Variants in NOS1AP observed in about 807,000 individuals in gnomAD.
NOS1AP encodes the protein nitric oxide synthase 1 adaptor protein.
In NOS1AP, 21 loss-of-function variants were observed where a neutral mutation model predicts 56.2. The observed-to-expected ratio is 0.37, with a 90% CI of 0.26 to 0.54. The LOEUF is 0.54. Ranked by LOEUF, NOS1AP falls within the 20% of genes least tolerant of loss-of-function variation. NOS1AP has a pLI of 0.84. For missense variants in NOS1AP, 522 were observed against 657.8 expected (o/e 0.79, Z 2.26); for synonymous variants, 270 against 274.6 (o/e 0.98, Z 0.17).
chr1:162,134,485 T>TAAAA (rs66940059), intron 1 of NOS1AP, among the ~76,000 whole-genome samples: 5 of 92,732 alleles, frequency 5.4e-5, no homozygotes, highest in Admixed American at 3.7e-4. Flanking sequence ...AGACTTTGTC[T>TAAAA]AAAAAAAAAA....
At chr1:162,362,453 AAAAAAAAG>A (rs1356480465) in intron 8 of NOS1AP, among the ~76,000 whole-genome samples, 3 of 140,512 alleles carry the variant, frequency 2.1e-5, no homozygotes, top group African/African-American at 8.1e-5. Context: ...TCAAAAAAAA[AAAAAAAAG>A]AAGAAAAAAG....
rs867428790 is a variant in NOS1AP, at chr1:162,367,464, G to A, written c.1518G>A (p.Val506=). The A allele has an allele frequency of 2.6e-6, 4 of 1,557,268 alleles. No individual in the cohort carries two copies. In the Middle Eastern group the frequency reaches 6.7e-4, roughly 261 times the overall value. Residue 506 remains valine (V), a synonymous_variant, in exon 10 of 10, where the codon GTG becomes GTA. Coordinates refer to ENST00000361897, the MANE Select transcript of NOS1AP (RefSeq NM_014697.3). The surrounding 1 kb of genome is among the most constrained non-coding windows in gnomAD (Gnocchi z 6.5). The part of the protein sequence containing the change: ...LGDGLDDEIA[V] ...ACGGCCTGGATGATGAGATCGCCGT[G>A]TAGGTGCCGAGGGCGAGGAGATGGA...
chr1:162,184,523 G>A (rs554526105), intron 2 of NOS1AP, among the ~76,000 whole-genome samples: 6 of 152,248 alleles, frequency 3.9e-5, no homozygotes, highest in African/African-American at 1.2e-4. Context: ...CTAAAACAAC[G>A]TGTGCCTGGC....
At chr1:162,256,229 G>A (rs1018402429) in intron 2 of NOS1AP, among the ~76,000 whole-genome samples, 3 of 152,092 alleles carry the variant, frequency 2.0e-5, no homozygotes, top group South Asian at 2.1e-4. Flanking sequence ...AGCTCTCCCC[G>A]TAGTCCAGCC....
At chr1:162,190,646 C>T (rs868430144) in intron 2 of NOS1AP, among the ~76,000 whole-genome samples, 11 of 152,070 alleles carry the variant, frequency 7.2e-5, no homozygotes, top group Admixed American at 3.9e-4. Context: ...CTATCTGAAA[C>T]TTTATATATT....
chr1:162,094,934 G>C (rs1326935817), intron 1 of NOS1AP, among the ~76,000 whole-genome samples: 1 of 152,222 alleles, frequency 6.6e-6, no homozygotes, highest in Non-Finnish European at 1.5e-5. Context: ...CCAGTTGCTA[G>C]AAAGAGGGAT....
chr1:162,142,858 T>C lies in NOS1AP; in HGVS notation c.106-11547T>C, dbSNP rs148011104. Among the ~76,000 whole-genome samples the C allele has an allele frequency of 4.3e-3, 662 of 152,302 alleles. 5 individuals carry two copies. The highest frequency in any genetic ancestry group is 0.015 in the African/African-American group (614 of 41,570). ...TAGAGACTCGATTGTTAGGACAGCG[T>C]GGAATATATTTTAGAGAGATTTCTA... On this transcript the variant is annotated intron_variant, in intron 1 of 9. Coordinates refer to ENST00000361897, the MANE Select transcript of NOS1AP (RefSeq NM_014697.3).
chr1:162,343,496 G>A (rs1237452872), intron 5 of NOS1AP, among the ~76,000 whole-genome samples: 1 of 152,222 alleles, frequency 6.6e-6, no homozygotes, highest in Non-Finnish European at 1.5e-5. Flanking sequence ...GTTCCTCTTA[G>A]TTTGATGGAC....
chr1:162,238,864 C>T (rs558488596), intron 2 of NOS1AP, among the ~76,000 whole-genome samples: 1 of 152,206 alleles, frequency 6.6e-6, no homozygotes, highest in South Asian at 2.1e-4. Context: ...GATCCTGCAC[C>T]CATGTTACTC....
intron 1 of NOS1AP, among the ~76,000 whole-genome samples, chr1:162,104,652 A>C (rs1171706454): frequency 6.6e-6 from 1 of 151,942 alleles, no homozygotes; most frequent in East Asian, 1.9e-4. Flanking sequence ...ATCTTATTTC[A>C]GAAAGGTAGT....
chr1:162,189,072 T>C lies in NOS1AP; in HGVS notation c.177+34596T>C, dbSNP rs558968259. On this transcript the variant is annotated intron_variant, in intron 2 of 9. Coordinates refer to ENST00000361897, the MANE Select transcript of NOS1AP (RefSeq NM_014697.3). ...ACTTCATCTTGAAAAAATAAATAAA[T>C]AAATAAATAAAAAGATTATTTTAGT... 3.9e-5 allele frequency among the ~76,000 whole-genome samples: 6 copies of C among 152,210 alleles called. No individual in the cohort carries two copies. In the South Asian group the frequency reaches 1.2e-3, roughly 32 times the overall value.
chr1:162,089,095 G>T (rs1356390354), intron 1 of NOS1AP, among the ~76,000 whole-genome samples: 1 of 152,120 alleles, frequency 6.6e-6, no homozygotes, highest in Non-Finnish European at 1.5e-5. Context: ...CTTGGCACCA[G>T]GGATGCTAAT....
At chr1:162,300,604 G>C in intron 3 of NOS1AP, 29 bp from the exon 4 acceptor site, 1 of 1,596,804 alleles carries the variant, frequency 6.3e-7, no homozygotes, top group Non-Finnish European at 8.6e-7. Context: ...TCCTGTAACT[G>C]AGGACAAGCC....
chr1:162,089,048 T>C (rs987817229), intron 1 of NOS1AP, among the ~76,000 whole-genome samples: 1 of 152,326 alleles, frequency 6.6e-6, no homozygotes, highest in Non-Finnish European at 1.5e-5. Flanking sequence ...GAAGACCTGG[T>C]ATCTTTTAAT....
intron 6 of NOS1AP, among the ~76,000 whole-genome samples, chr1:162,348,530 C>T (rs1431643116): frequency 6.6e-6 from 1 of 152,176 alleles, no homozygotes; most frequent in Non-Finnish European, 1.5e-5. Context: ...TACGTGAGAC[C>T]TCAGCTGCTT....
intron 1 of NOS1AP, among the ~76,000 whole-genome samples, chr1:162,124,559 G>A (rs752516725): frequency 6.6e-6 from 1 of 151,558 alleles, no homozygotes; most frequent in Non-Finnish European, 1.5e-5. Context: ...TTTTGCTCTT[G>A]TAGTCCAGGC....
chr1:162,355,476 G>A lies in NOS1AP; in HGVS notation c.762+123G>A, dbSNP rs565401974. Reference sequence around the variant, plus strand: ...ACTCCATGGCACAGTGGCGGTGCCAGAGCGCACTTCATTGCCTTTCAGAAG... The same window carrying A: ...ACTCCATGGCACAGTGGCGGTGCCAAAGCGCACTTCATTGCCTTTCAGAAG... On this transcript the variant is annotated intron_variant, in intron 7 of 9. Coordinates refer to ENST00000361897, the MANE Select transcript of NOS1AP (RefSeq NM_014697.3). The A allele has an allele frequency of 1.4e-3, 1,739 of 1,210,060 alleles. 5 individuals carry two copies. Among genetic ancestry groups the A allele is most frequent in the Non-Finnish European group, 1.8e-3 (1,486 of 828,774 alleles). 75.0% of individuals were successfully genotyped at this position (1,210,060 alleles called of 1,614,324 possible).
intron 1 of NOS1AP, among the ~76,000 whole-genome samples, chr1:162,084,269 T>G (rs1691957448): frequency 6.6e-6 from 1 of 152,202 alleles, no homozygotes; most frequent in Non-Finnish European, 1.5e-5. Flanking sequence ...TTGGATATTA[T>G]GTTATGAGCT....
intron 2 of NOS1AP, among the ~76,000 whole-genome samples, chr1:162,189,218 A>G (rs1651541576): frequency 2.0e-5 from 3 of 152,184 alleles, no homozygotes; most frequent in African/African-American, 4.8e-5. Context: ...TGAACATTTC[A>G]GCTCTTAATA....
Sources: gnomAD v4.1 joint callset for allele counts (sites outside exome capture counted in the v4.1 genomes callset) on GRCh38, gnomAD v4.1.1 for gene constraint, Gnocchi (gnomAD v3.1) non-coding constraint, MANE v1.5 for transcripts, NCBI Gene and HGNC (gene_info 2026-07-23, HGNC 2026-07-21) for gene names.